Variants in NLGN1 observed in about 807,000 individuals in gnomAD.
NLGN1 encodes the protein neuroligin-1.
A neutral mutation model predicts 65.5 loss-of-function variants in NLGN1; 12 were observed. That is an observed-to-expected ratio of 0.18 (90% CI 0.12 to 0.30). NLGN1 has a LOEUF of 0.30. Among genes scored for constraint, NLGN1 ranks in the 10% least tolerant of loss-of-function variants. The pLI is 1.00. For synonymous variants in NLGN1, 350 were observed against 359.5 expected, an observed-to-expected ratio of 0.97 and a Z score of 0.30; for missense variants, 750 against 1,007.1, an observed-to-expected ratio of 0.74 and a Z score of 3.46.
At chr3:174,206,937 G>T (rs151213656) in intron 4 of NLGN1, among the ~76,000 whole-genome samples, 1 of 152,066 alleles carries the variant, frequency 6.6e-6, no homozygotes, top group Non-Finnish European at 1.5e-5. Context: ...AAAGTCTGAA[G>T]TATGATATCC....
At chr3:174,289,362 A>G (rs1752470512), downstream of NLGN1, among the ~76,000 whole-genome samples, 1 of 151,400 alleles carries the variant, frequency 6.6e-6, no homozygotes. Flanking sequence ...TAATGATAGA[A>G]AAGTGAATAA....
At chr3:174,001,483 T>C (rs1029553028) in intron 4 of NLGN1, among the ~76,000 whole-genome samples, 1 of 152,202 alleles carries the variant, frequency 6.6e-6, no homozygotes, top group Admixed American at 6.5e-5. Context: ...TGTGATAAAC[T>C]TCCAGAATGC....
intron 2 of NLGN1, among the ~76,000 whole-genome samples, chr3:173,549,143 A>G (rs1740422064): frequency 6.6e-6 from 1 of 151,946 alleles, no homozygotes; most frequent in African/African-American, 2.4e-5. Flanking sequence ...ATCATTGTGG[A>G]TTGAAATAGT....
chr3:173,582,825 T>C (rs1746609281), intron 2 of NLGN1, among the ~76,000 whole-genome samples: 1 of 152,140 alleles, frequency 6.6e-6, no homozygotes, highest in Non-Finnish European at 1.5e-5. Flanking sequence ...TAGTAAACCT[T>C]TCTGTTCTCA....
At chr3:174,033,712 A>G (rs1450577048) in intron 4 of NLGN1, among the ~76,000 whole-genome samples, 1 of 152,222 alleles carries the variant, frequency 6.6e-6, no homozygotes, top group Non-Finnish European at 1.5e-5. Context: ...AGTGGAGGAA[A>G]GAATCAATGA....
chr3:174,167,433 C>T (rs1312426141), intron 4 of NLGN1, among the ~76,000 whole-genome samples: 1 of 151,946 alleles, frequency 6.6e-6, no homozygotes. Context: ...ATTTCTCTTT[C>T]ATTTATGAAA....
chr3:173,537,121 C>T (rs1577155001), intron 2 of NLGN1, among the ~76,000 whole-genome samples: 2 of 152,164 alleles, frequency 1.3e-5, no homozygotes, highest in African/African-American at 4.8e-5. Flanking sequence ...CTGTTAATCT[C>T]GCCCAGAAAC....
At chr3:173,927,719 C>T (rs1743269476) in intron 4 of NLGN1, among the ~76,000 whole-genome samples, 3 of 151,328 alleles carry the variant, frequency 2.0e-5, no homozygotes, top group Non-Finnish European at 4.4e-5. Flanking sequence ...ACTGCCGCTC[C>T]AGAAAACACA....
chr3:173,583,051 A>G (rs1031670471), intron 2 of NLGN1, among the ~76,000 whole-genome samples: 1 of 152,074 alleles, frequency 6.6e-6, no homozygotes, highest in Non-Finnish European at 1.5e-5. Flanking sequence ...ATCCATGAAT[A>G]TTTTTCTGGA....
At chr3:173,995,292 T>C (rs1722032436) in intron 4 of NLGN1, among the ~76,000 whole-genome samples, 1 of 152,228 alleles carries the variant, frequency 6.6e-6, no homozygotes, top group Admixed American at 6.5e-5. Flanking sequence ...TGCTTCTCTC[T>C]GTCCACCTGC....
intron 4 of NLGN1, among the ~76,000 whole-genome samples, chr3:174,147,867 A>T (rs980307122): frequency 2.0e-5 from 3 of 152,216 alleles, no homozygotes; most frequent in Non-Finnish European, 2.9e-5. Flanking sequence ...CAAACACTGC[A>T]TATGAATAAT....
At chr3:173,683,183 A>C (rs1351442907) in intron 3 of NLGN1, among the ~76,000 whole-genome samples, 1 of 152,200 alleles carries the variant, frequency 6.6e-6, no homozygotes, top group East Asian at 1.9e-4. Flanking sequence ...GCTCCTTATA[A>C]AATACAGAGA....
chr3:174,255,637 C>CTATT (rs140772917), intron 4 of NLGN1, among the ~76,000 whole-genome samples: 24,846 of 141,742 alleles, frequency 0.18, 2,367 homozygotes, highest in East Asian at 0.45. Flanking sequence ...TTCTTTTCTT[C>CTATT]TATTTATTTA....
intron 3 of NLGN1, among the ~76,000 whole-genome samples, chr3:173,784,568 C>T (rs1299994533): frequency 6.6e-6 from 1 of 151,926 alleles, no homozygotes; most frequent in Non-Finnish European, 1.5e-5. Context: ...GAGACAGAGA[C>T]AGAAAGGCAG....
At chr3:173,658,057 T>C (rs544225525) in intron 3 of NLGN1, among the ~76,000 whole-genome samples, 2 of 152,030 alleles carry the variant, frequency 1.3e-5, no homozygotes, top group African/African-American at 2.4e-5. Flanking sequence ...ATTAAAGAAC[T>C]AAAAATGGTG....
At chr3:173,852,094 C>T (rs1325188913) in intron 4 of NLGN1, among the ~76,000 whole-genome samples, 1 of 151,712 alleles carries the variant, frequency 6.6e-6, no homozygotes, top group Non-Finnish European at 1.5e-5. Flanking sequence ...CGGTGGCTCA[C>T]GCCTGTAATC....
chr3:173,766,720 A>T (rs1447966887), intron 3 of NLGN1, among the ~76,000 whole-genome samples: 1 of 152,158 alleles, frequency 6.6e-6, no homozygotes, highest in African/African-American at 2.4e-5. Flanking sequence ...GAAATTTCAC[A>T]ATTTGTAAAG....
intron 4 of NLGN1, among the ~76,000 whole-genome samples, chr3:173,964,898 G>A (rs1714468479): frequency 6.6e-6 from 1 of 152,200 alleles, no homozygotes; most frequent in African/African-American, 2.4e-5. Flanking sequence ...GGATCAGTAA[G>A]GAGATCTGGG....
intron 4 of NLGN1, among the ~76,000 whole-genome samples, chr3:174,041,592 T>A (rs1732322071): frequency 6.6e-6 from 1 of 152,182 alleles, no homozygotes; most frequent in Non-Finnish European, 1.5e-5. Flanking sequence ...TTACTCCACA[T>A]CCTTACCAAA....
Sources: gnomAD v4.1 joint callset for allele counts (sites outside exome capture counted in the v4.1 genomes callset) on GRCh38, gnomAD v4.1.1 for gene constraint, MANE v1.5 for transcripts, NCBI Gene and HGNC (gene_info 2026-07-23, HGNC 2026-07-21) for gene names.